TMEM135: variants seen among roughly 807,000 people sequenced by gnomAD.
TMEM135 encodes the protein peroxisomal membrane protein 52.
In TMEM135, 30 loss-of-function variants were observed where a neutral mutation model predicts 60.3. That is an observed-to-expected ratio of 0.50 (90% CI 0.37 to 0.68). The LOEUF is 0.68. TMEM135 is among the 30% of genes least tolerant of loss of function. The pLI is 0.00. For synonymous variants in TMEM135, 190 were observed against 186.7 expected, an observed-to-expected ratio of 1.02 and a Z score of -0.14; for missense variants, 468 against 548.8, an observed-to-expected ratio of 0.85 and a Z score of 1.47.
At position 87,091,573 on chromosome 11, in the gene TMEM135, T is replaced by C. The variant is rs112604027; in HGVS notation, c.396+178T>C. Among the ~76,000 whole-genome samples the C allele has an allele frequency of 3.3e-3, 503 of 152,256 alleles. 5 individuals carry two copies. Among genetic ancestry groups the C allele is most frequent in the African/African-American group, 0.011 (478 of 41,586 alleles). Reference sequence around the variant, plus strand: ...TGATACCATCTGGTTTGTTCCATCATATAGGATTGAATTTCACTTATTTTA... The same window carrying C: ...TGATACCATCTGGTTTGTTCCATCACATAGGATTGAATTTCACTTATTTTA... On this transcript the variant is annotated intron_variant, in intron 4 of 14. Coordinates refer to ENST00000305494, the MANE Select transcript of TMEM135 (RefSeq NM_022918.4).
chr11:87,225,906 T>C (rs1276332345), intron 5 of TMEM135, among the ~76,000 whole-genome samples: 1 of 152,168 alleles, frequency 6.6e-6, no homozygotes, highest in Non-Finnish European at 1.5e-5. Flanking sequence ...ATTAATAATT[T>C]ATTATTATGA....
chr11:87,116,075 A>C (rs1008657420), intron 4 of TMEM135, among the ~76,000 whole-genome samples: 3 of 152,140 alleles, frequency 2.0e-5, no homozygotes, highest in African/African-American at 7.2e-5. Flanking sequence ...CTCTTGAAGA[A>C]AATCAGTTAA....
intron 14 of TMEM135, 98 bp from the exon 15 acceptor site, chr11:87,321,103 T>C: frequency 8.7e-7 from 1 of 1,154,710 alleles, no homozygotes. Context: ...GTTAGCCTTT[T>C]CTGTTTTCCC....
intron 1 of TMEM135, among the ~76,000 whole-genome samples, chr11:87,065,881 T>A (rs1856640992): frequency 1.3e-5 from 2 of 152,362 alleles, no homozygotes; most frequent in East Asian, 1.9e-4. Flanking sequence ...GTTTTTCTTT[T>A]CTTTTAACCT....
At chr11:87,088,256 T>C (rs1440491941) in intron 3 of TMEM135, among the ~76,000 whole-genome samples, 1 of 152,186 alleles carries the variant, frequency 6.6e-6, no homozygotes, top group African/African-American at 2.4e-5. Context: ...TTATTGGCTC[T>C]GCAAGTCAAG....
chr11:87,057,643 G>A (rs1276360236), intron 1 of TMEM135, among the ~76,000 whole-genome samples: 3 of 152,196 alleles, frequency 2.0e-5, no homozygotes, highest in Non-Finnish European at 4.4e-5. Flanking sequence ...AAGAAGATAG[G>A]TAAATATTGG....
chr11:87,182,824 C>T (rs1396531941), intron 5 of TMEM135, among the ~76,000 whole-genome samples: 1 of 151,846 alleles, frequency 6.6e-6, no homozygotes, highest in Non-Finnish European at 1.5e-5. Context: ...AAATTTTTCT[C>T]TTGAATATTT....
At chr11:87,302,477 GT>G in intron 8 of TMEM135, 35 bp downstream of exon 8, 1 of 1,612,932 alleles carries the variant, frequency 6.2e-7, no homozygotes, top group Non-Finnish European at 8.5e-7. Context: ...AACCTGCTTT[GT>G]CACTGTTTCA....
intron 4 of TMEM135, among the ~76,000 whole-genome samples, chr11:87,106,395 C>T (rs1252779637): frequency 6.6e-6 from 1 of 152,152 alleles, no homozygotes; most frequent in Non-Finnish European, 1.5e-5. Context: ...TGAGCCACTG[C>T]ACCCGGCTAA....
At chr11:87,134,892 T>A (rs184368562) in intron 4 of TMEM135, among the ~76,000 whole-genome samples, 1 of 152,356 alleles carries the variant, frequency 6.6e-6, no homozygotes, top group African/African-American at 2.4e-5. Flanking sequence ...CCTACATCTA[T>A]GCTAACACTT....
At chr11:87,062,284 G>A (rs1050006981) in intron 1 of TMEM135, among the ~76,000 whole-genome samples, 7 of 151,026 alleles carry the variant, frequency 4.6e-5, no homozygotes, top group Non-Finnish European at 1.0e-4. Context: ...GATTACAGGC[G>A]TGATCCACTG....
At chr11:87,259,618 T>C (rs1013820618) in intron 6 of TMEM135, among the ~76,000 whole-genome samples, 1 of 152,186 alleles carries the variant, frequency 6.6e-6, no homozygotes, top group South Asian at 2.1e-4. Context: ...TTTCAGTGAA[T>C]GGGATCATTG....
chr11:87,315,337 G>T (rs1942709697), intron 12 of TMEM135, among the ~76,000 whole-genome samples: 1 of 151,876 alleles, frequency 6.6e-6, no homozygotes, highest in African/African-American at 2.4e-5. Context: ...TAGATCTTGA[G>T]ACCTAAGCAA....
At chr11:87,118,411 A>G (rs1404155095) in intron 4 of TMEM135, among the ~76,000 whole-genome samples, 1 of 151,224 alleles carries the variant, frequency 6.6e-6, no homozygotes, top group Non-Finnish European at 1.5e-5. Flanking sequence ...ACCTTCATCA[A>G]CAATCTTGGC....
chr11:87,168,000 C>G (rs1939111525), intron 5 of TMEM135, among the ~76,000 whole-genome samples: 3 of 152,112 alleles, frequency 2.0e-5, no homozygotes, highest in Admixed American at 2.0e-4. Context: ...TGTTATTGGT[C>G]TAGTCAGGGA....
chr11:87,096,504 T>C (rs1207156942), intron 4 of TMEM135: 1 of 152,382 alleles, frequency 6.6e-6, no homozygotes, highest in Admixed American at 6.5e-5. Context: ...TCAGTCTTTC[T>C]TCTTGCATTA....
chr11:87,300,271 G>A (rs1343329481), intron 7 of TMEM135, among the ~76,000 whole-genome samples: 5 of 152,160 alleles, frequency 3.3e-5, no homozygotes, highest in Admixed American at 6.5e-5. Flanking sequence ...TATGTAGGAT[G>A]ATTTGAAAAT....
Position 87,067,737 on chromosome 11 carries a change from A to G in TMEM135, c.185A>G (p.His62Arg), listed in dbSNP as rs748968799. The G allele has an allele frequency of 5.0e-6, 8 of 1,614,004 alleles. No homozygotes were observed. The highest frequency in any genetic ancestry group is 6.8e-6 in the Non-Finnish European group (8 of 1,179,936). The change falls in exon 2 of 15, where the codon CAC becomes CGC. Residue 62 changes from histidine (H) to arginine (R), a missense_variant. Physicochemically the swap from His to Arg is conservative, Grantham distance 29 (BLOSUM62 0). Coordinates refer to ENST00000305494, the MANE Select transcript of TMEM135 (RefSeq NM_022918.4). ...LRKRKLDYYL[H>R]KLLPEILQSA... ...AAACGGAAATTAGACTATTATTTAC[A>G]CAAACTACTCCCTGAGATCCTACAA... is the stretch of plus-strand genomic sequence containing the variant.
intron 6 of TMEM135, among the ~76,000 whole-genome samples, chr11:87,286,573 C>T (rs537504831): frequency 1.1e-4 from 16 of 152,222 alleles, no homozygotes; most frequent in South Asian, 4.1e-4. Flanking sequence ...GAGCAGGGGG[C>T]GGCGCCCGTC....
Sources: gnomAD v4.1 joint callset for allele counts (sites outside exome capture counted in the v4.1 genomes callset) on GRCh38, gnomAD v4.1.1 for gene constraint, MANE v1.5 for transcripts, NCBI Gene and HGNC (gene_info 2026-07-23, HGNC 2026-07-21) for gene names.